The following ARMH3 variants were observed in gnomAD, a reference collection of about 807,000 sequenced individuals.
The protein encoded by ARMH3 is armadillo-like helical domain-containing protein 3.
Under a neutral mutation model 99.1 loss-of-function variants are expected in ARMH3, and 60 were observed. The observed-to-expected ratio is 0.61, with a 90% CI of 0.49 to 0.75. The LOEUF (loss-of-function observed/expected upper bound fraction) is 0.75, where lower values mean the gene tolerates loss of function less well. ARMH3 is among the 30% of genes least tolerant of loss of function. ARMH3 has a pLI of 0.00. For missense variants in ARMH3, 679 were observed against 843.1 expected (o/e 0.81, Z 2.41); for synonymous variants, 285 against 292.8 (o/e 0.97, Z 0.27).
At chr10:101,993,986 G>A (rs2136021845) in intron 16 of ARMH3, among the ~76,000 whole-genome samples, 1 of 152,330 alleles carries the variant, frequency 6.6e-6, no homozygotes, top group Admixed American at 6.5e-5. Context: ...TTCATGTGCA[G>A]GCTCCACATG....
intron 20 of ARMH3, among the ~76,000 whole-genome samples, chr10:101,966,200 G>T (rs1185574010): frequency 6.7e-6 from 1 of 149,766 alleles, no homozygotes; most frequent in Non-Finnish European, 1.5e-5. Flanking sequence ...CCACCTCCCG[G>T]GTTCAAGCGA....
chr10:101,886,156 C>T (rs2067536856), intron 24 of ARMH3, among the ~76,000 whole-genome samples: 1 of 151,628 alleles, frequency 6.6e-6, no homozygotes, highest in Non-Finnish European at 1.5e-5. Flanking sequence ...TCACAATTAA[C>T]CCCAGACAAA....
rs143517280 is a variant in ARMH3 at position 101,989,495 on chromosome 10, C to T, written c.1406+1056G>A. ...CAGCACACTGGGAGGCTGAAGTGGG[C>T]GGATCACCTGAAGTCAGGAGTTAGA... On this transcript the variant is annotated intron_variant, in intron 19 of 25. Transcript: ENST00000370033. 9.4e-3 allele frequency among the ~76,000 whole-genome samples: 1,422 copies of T among 151,964 alleles called. 17 individuals are homozygous for T. The highest frequency in any genetic ancestry group is 0.033 in the African/African-American group (1,349 of 41,448).
intron 6 of ARMH3, among the ~76,000 whole-genome samples, chr10:102,024,724 CAGG>C (rs763387659): frequency 5.3e-5 from 8 of 150,880 alleles, no homozygotes; most frequent in Admixed American, 1.3e-4. Flanking sequence ...GAGGCTGAGG[CAGG>C]AGAATTGTTT....
chr10:101,881,333 C>G (rs1044287075), intron 24 of ARMH3, among the ~76,000 whole-genome samples: 1 of 152,090 alleles, frequency 6.6e-6, no homozygotes, highest in African/African-American at 2.4e-5. Context: ...TCCTGGGTCA[C>G]TTGGTTGAAA....
At chr10:101,982,039 A>C (rs1266216434) in intron 19 of ARMH3, among the ~76,000 whole-genome samples, 2 of 150,722 alleles carry the variant, frequency 1.3e-5, no homozygotes, top group East Asian at 2.0e-4. Flanking sequence ...AAAAAAAAAA[A>C]AAAAACAAAG....
At chr10:102,024,748 G>C (rs1332264957) in intron 6 of ARMH3, among the ~76,000 whole-genome samples, 1 of 151,794 alleles carries the variant, frequency 6.6e-6, no homozygotes, top group East Asian at 1.9e-4. Context: ...GAACCCAGGA[G>C]GCAGACGTTG....
intron 23 of ARMH3, among the ~76,000 whole-genome samples, chr10:101,896,054 C>T (rs893040148): frequency 7.9e-5 from 12 of 152,046 alleles, no homozygotes; most frequent in African/African-American, 2.4e-4. Context: ...GGGGAGACCC[C>T]CATCTCTACA....
chr10:101,888,739 T>C (rs1230056133), intron 24 of ARMH3, among the ~76,000 whole-genome samples: 1 of 152,214 alleles, frequency 6.6e-6, no homozygotes, highest in Non-Finnish European at 1.5e-5. Flanking sequence ...TTAGTGCTTT[T>C]TAAAAAAGGA....
At chr10:101,915,059 T>C (rs1843022569) in intron 23 of ARMH3, among the ~76,000 whole-genome samples, 1 of 151,842 alleles carries the variant, frequency 6.6e-6, no homozygotes, top group African/African-American at 2.4e-5. Flanking sequence ...TATTTGAGAG[T>C]CTCATTTCTG....
intron 22 of ARMH3, among the ~76,000 whole-genome samples, chr10:101,940,533 T>C (rs928089236): frequency 1.3e-5 from 2 of 152,106 alleles, no homozygotes; most frequent in Admixed American, 6.6e-5. Context: ...ACATGTGCCA[T>C]GTTGGTGTGC....
chr10:102,041,046 T>C (rs1192122465), intron 1 of ARMH3, among the ~76,000 whole-genome samples: 4 of 145,326 alleles, frequency 2.8e-5, no homozygotes. Context: ...AATAGAGTAA[T>C]ATACTACTTT....
chr10:101,872,584 C>A (rs2067156857), intron 24 of ARMH3, among the ~76,000 whole-genome samples: 1 of 152,032 alleles, frequency 6.6e-6, no homozygotes, highest in Non-Finnish European at 1.5e-5. Context: ...GTGGACCCAG[C>A]TAACTCAGGA....
At chr10:101,848,047 C>T (rs1265381560) in intron 25 of ARMH3, among the ~76,000 whole-genome samples, 10 of 152,220 alleles carry the variant, frequency 6.6e-5, no homozygotes, top group Admixed American at 6.5e-4. Flanking sequence ...AGTCTCTTCA[C>T]TCTCCCTTTG....
chr10:101,965,308 C>A (rs997128851), intron 20 of ARMH3, among the ~76,000 whole-genome samples: 1 of 152,188 alleles, frequency 6.6e-6, no homozygotes, highest in African/African-American at 2.4e-5. Flanking sequence ...ACATTCACGT[C>A]AAAGTACACC....
intron 19 of ARMH3, among the ~76,000 whole-genome samples, chr10:101,978,706 C>T (rs1299160556): frequency 6.6e-6 from 1 of 152,112 alleles, no homozygotes; most frequent in East Asian, 1.9e-4. Context: ...CTTTGGGAGG[C>T]CAAGGTGTGT....
At chr10:101,955,596 T>C (rs1414838685) in intron 22 of ARMH3, among the ~76,000 whole-genome samples, 1 of 152,248 alleles carries the variant, frequency 6.6e-6, no homozygotes, top group Non-Finnish European at 1.5e-5. Flanking sequence ...CCTGGTACTT[T>C]TTCCAAATCC....
intron 23 of ARMH3, among the ~76,000 whole-genome samples, chr10:101,907,004 C>T (rs1842658661): frequency 6.6e-6 from 1 of 152,144 alleles, no homozygotes; most frequent in East Asian, 1.9e-4. Context: ...TGACTTTCCA[C>T]CTGTCTAGAC....
chr10:102,012,057 T>G (rs1451932019), intron 10 of ARMH3, among the ~76,000 whole-genome samples: 1 of 152,238 alleles, frequency 6.6e-6, no homozygotes, highest in Non-Finnish European at 1.5e-5. Context: ...CTGATCCAGT[T>G]ACTTCTCAAA....
Sources: allele counts gnomAD v4.1 joint callset (sites outside exome capture counted in the v4.1 genomes callset), GRCh38; gene constraint gnomAD v4.1.1; transcripts MANE v1.5; gene names NCBI Gene and HGNC (gene_info 2026-07-23, HGNC 2026-07-21).